IL1RAPL2: variants seen among roughly 807,000 people sequenced by gnomAD.
IL1RAPL2 encodes the protein X-linked interleukin-1 receptor accessory protein-like 2.
In IL1RAPL2, 3 loss-of-function variants were observed where a neutral mutation model predicts 44.1. That is an observed-to-expected ratio of 0.07 (90% CI 0.03 to 0.18). IL1RAPL2 has a LOEUF of 0.18. Among genes scored for constraint, IL1RAPL2 ranks in the 10% least tolerant of loss-of-function variants. The pLI, the probability that IL1RAPL2 is intolerant of heterozygous loss-of-function variation, is 1.00. For missense variants in IL1RAPL2, 391 were observed against 496.4 expected, an observed-to-expected ratio of 0.79 and a Z score of 2.02; for synonymous variants, 181 against 178.8, an observed-to-expected ratio of 1.01 and a Z score of -0.10.
intron 4 of IL1RAPL2, among the ~76,000 whole-genome samples, chrX:105,250,703 A>C (rs889579943): frequency 9.0e-6 from 1 of 111,339 alleles, no homozygotes; most frequent in Non-Finnish European, 1.9e-5. Context: ...ATTTGATAGA[A>C]TATAAATTAT....
chrX:104,713,582 A>G lies in IL1RAPL2; in HGVS notation c.82+54587A>G, dbSNP rs765711258. ...TTTAAACCTATTCTTCATGTATAAC[A>G]TCACATCTTTTTATGTGTATATATA... On this transcript the variant is annotated intron_variant, in intron 2 of 10. Coordinates refer to ENST00000372582, the MANE Select transcript of IL1RAPL2 (RefSeq NM_017416.2). Among the ~76,000 whole-genome samples, 3 of 110,739 alleles carry G rather than the reference A, an allele frequency of 2.7e-5. No individual in the cohort carries two copies. The East Asian group carries it at 8.6e-4, about 32-fold the overall frequency.
At chrX:104,935,020 A>C (rs1029116765) in intron 2 of IL1RAPL2, among the ~76,000 whole-genome samples, 3 of 111,977 alleles carry the variant, frequency 2.7e-5, no homozygotes, top group Non-Finnish European at 5.6e-5. Context: ...TTTGAAAATT[A>C]AATGAGGTAG....
At chrX:105,624,397 A>AT (rs1310035846) in intron 6 of IL1RAPL2, among the ~76,000 whole-genome samples, 1 of 111,405 alleles carries the variant, frequency 9.0e-6, no homozygotes, top group Non-Finnish European at 1.9e-5. Context: ...TGAGGCTTAT[A>AT]TACTAACATG....
intron 2 of IL1RAPL2, among the ~76,000 whole-genome samples, chrX:105,060,585 C>CTTTTTTTTTTTTTTTTTTTT (rs1161187469): frequency 7.1e-5 from 5 of 70,169 alleles, no homozygotes; most frequent in African/African-American, 3.1e-4. Context: ...TTTTCTTTTT[C>CTTTTTTTTTTTTTTTTTTTT]TTTTTTTTTT....
At chrX:105,303,539 G>A (rs749149973) in intron 5 of IL1RAPL2, among the ~76,000 whole-genome samples, 14 of 111,989 alleles carry the variant, frequency 1.3e-4, no homozygotes, top group Non-Finnish European at 1.9e-4. Context: ...ACAAACACCC[G>A]TTATTCTACT....
rs142817154 is a variant in IL1RAPL2, at chrX:104,711,220, T to C, written c.82+52225T>C. On this transcript the variant is annotated intron_variant, in intron 2 of 10. Transcript: ENST00000372582. ...GCTGTACCATATGACCTATCTGTAG[T>C]AGGCTATAATCTAGGTTTGTGTAAG... Among the ~76,000 whole-genome samples the C allele has an allele frequency of 4.7e-4, 52 of 111,779 alleles. No homozygotes were observed. The East Asian group carries it at 0.011, about 23-fold the overall frequency.
intron 2 of IL1RAPL2, among the ~76,000 whole-genome samples, chrX:104,872,481 G>C (rs934241111): frequency 8.9e-6 from 1 of 111,909 alleles, no homozygotes; most frequent in Non-Finnish European, 1.9e-5. Context: ...TTAGCTACAT[G>C]GTAAATCTGC....
chrX:105,527,713 G>C (rs1485206539), intron 6 of IL1RAPL2, among the ~76,000 whole-genome samples: 1 of 110,952 alleles, frequency 9.0e-6, no homozygotes, highest in Non-Finnish European at 1.9e-5. Context: ...AGTGGTTCTA[G>C]TGAAAAATCA....
At chrX:105,640,126 T>C (rs1157444005) in intron 6 of IL1RAPL2, among the ~76,000 whole-genome samples, 1 of 111,577 alleles carries the variant, frequency 9.0e-6, no homozygotes, top group Non-Finnish European at 1.9e-5. Flanking sequence ...CTTGTGTTTT[T>C]TGAAATATAT....
chrX:104,953,955 G>GC (rs1230939907), intron 2 of IL1RAPL2, among the ~76,000 whole-genome samples: 3 of 111,630 alleles, frequency 2.7e-5, no homozygotes, highest in Non-Finnish European at 5.6e-5. Flanking sequence ...TAGTGAGGAG[G>GC]ATAGAAGTTA....
chrX:105,302,443 T>C (rs2034704011), intron 5 of IL1RAPL2, among the ~76,000 whole-genome samples: 1 of 111,793 alleles, frequency 8.9e-6, no homozygotes, highest in Non-Finnish European at 1.9e-5. Context: ...GCCCAAAGAC[T>C]CTTTAGTCAG....
intron 5 of IL1RAPL2, among the ~76,000 whole-genome samples, chrX:105,364,248 C>A (rs1232788472): frequency 9.0e-6 from 1 of 111,436 alleles, no homozygotes; most frequent in Non-Finnish European, 1.9e-5. Flanking sequence ...GATTTTATTT[C>A]TGTGCTTTCT....
At chrX:105,178,810 T>C (rs2033500974) in intron 2 of IL1RAPL2, among the ~76,000 whole-genome samples, 1 of 111,945 alleles carries the variant, frequency 8.9e-6, no homozygotes, top group African/African-American at 3.2e-5. Context: ...AAGTGTCTAT[T>C]TGTGTCTTTT....
chrX:105,619,520 G>A (rs955265210), intron 6 of IL1RAPL2, among the ~76,000 whole-genome samples: 1 of 111,513 alleles, frequency 9.0e-6, no homozygotes, highest in African/African-American at 3.3e-5. Flanking sequence ...AATTTGGAGT[G>A]GCATATTCTG....
chrX:105,558,884 G>A (rs2036913845), intron 6 of IL1RAPL2, among the ~76,000 whole-genome samples: 1 of 111,647 alleles, frequency 9.0e-6, no homozygotes, highest in Admixed American at 9.5e-5. Flanking sequence ...GATTTGGGAA[G>A]TTTGTGTTTT....
intron 4 of IL1RAPL2, among the ~76,000 whole-genome samples, chrX:105,236,603 C>T (rs151081608): frequency 2.7e-5 from 3 of 110,906 alleles, no homozygotes. Flanking sequence ...GCTACTAGCC[C>T]CACTCTTAGC....
chrX:104,620,432 G>A (rs747147669), intron 1 of IL1RAPL2, among the ~76,000 whole-genome samples: 32 of 107,723 alleles, frequency 3.0e-4, no homozygotes, highest in Admixed American at 1.1e-3. Context: ...AGGGTCAGGA[G>A]ATCGAGACCA....
At chrX:105,034,382 TGATGTACA>T (rs1170565894) in intron 2 of IL1RAPL2, among the ~76,000 whole-genome samples, 1 of 111,633 alleles carries the variant, frequency 9.0e-6, no homozygotes, top group African/African-American at 3.3e-5. Context: ...TTGATGATGG[TGATGTACA>T]GATGGGTTTT....
intron 2 of IL1RAPL2, among the ~76,000 whole-genome samples, chrX:104,733,989 C>T (rs747181338): frequency 1.5e-4 from 17 of 111,354 alleles, no homozygotes; most frequent in African/African-American, 5.5e-4. Flanking sequence ...ATTTAAACAA[C>T]CACTTCACCA....
Sources: gnomAD v4.1 joint callset for allele counts (sites outside exome capture counted in the v4.1 genomes callset) on GRCh38, gnomAD v4.1.1 for gene constraint, MANE v1.5 for transcripts, NCBI Gene and HGNC (gene_info 2026-07-23, HGNC 2026-07-21) for gene names.